Variants in RDH11 observed in about 807,000 individuals in gnomAD.
RDH11 encodes the protein HCV core-binding protein HCBP12.
In RDH11, 19 loss-of-function variants were observed where a neutral mutation model predicts 33.4. The ratio of observed to expected loss-of-function variants is 0.57; its 90% confidence interval spans 0.40 to 0.83. The LOEUF (loss-of-function observed/expected upper bound fraction) is 0.83. RDH11 is among the 40% of genes least tolerant of loss of function. The pLI is 0.00. For missense variants in RDH11, 353 were observed against 389.0 expected (o/e 0.91, Z 0.78); for synonymous variants, 154 against 155.3 (o/e 0.99, Z 0.06).
Position 67,677,868 on chromosome 14 carries a change from T to C in RDH11, c.*453A>G, listed in dbSNP as rs74848574. On this transcript the variant is annotated 3_prime_UTR_variant, in exon 7 of 7. Coordinates refer to ENST00000381346, the MANE Select transcript of RDH11 (RefSeq NM_016026.4). ...TGATCCACCATGCCTGGGCAAGCCC[T>C]GCTCCTGAGCCAGTCTTTGTTATTC... is the stretch of plus-strand genomic sequence containing the variant. 3.2e-3 allele frequency: 499 copies of C among 154,240 alleles called. 17 individuals carry two copies. In the East Asian group the frequency reaches 0.081, roughly 25 times the overall value. 9.6% of individuals were successfully genotyped at this position (154,240 alleles called of 1,614,324 possible).
intron 6 of RDH11, among the ~76,000 whole-genome samples, chr14:67,681,987 G>A (rs1443909589): frequency 6.6e-6 from 1 of 152,120 alleles, no homozygotes; most frequent in Non-Finnish European, 1.5e-5. Flanking sequence ...TCATGGGAGT[G>A]GGTTTGTTCT....
At chr14:67,687,691 G>C (rs2037698134) in intron 5 of RDH11, among the ~76,000 whole-genome samples, 1 of 151,414 alleles carries the variant, frequency 6.6e-6, no homozygotes, top group African/African-American at 2.4e-5. Context: ...GGCTGGTCTT[G>C]AACTCCTGAC....
At chr14:67,686,442 C>T (rs1017436256) in intron 5 of RDH11, among the ~76,000 whole-genome samples, 4 of 151,888 alleles carry the variant, frequency 2.6e-5, no homozygotes, top group African/African-American at 4.8e-5. Context: ...AGTTATAGAC[C>T]AGCCTGGGCA....
At chr14:67,690,473 G>GGAGTCGTGGT in intron 4 of RDH11, 52 bp from the exon 5 acceptor site, 1 of 1,532,732 alleles carries the variant, frequency 6.5e-7, no homozygotes, top group African/African-American at 1.4e-5. Flanking sequence ...AGGAATGACA[G>GGAGTCGTGGT]GAGTCGTGGT....
At chr14:67,692,769 G>T in intron 2 of RDH11, 165 bp downstream of exon 2, 2 of 866,638 alleles carry the variant, frequency 2.3e-6, no homozygotes, top group South Asian at 1.8e-5. Flanking sequence ...TTCATTAAGG[G>T]TCCATTATAT....
At chr14:67,678,541 C>T (rs1297990204) in intron 6 of RDH11, 118 bp from the exon 7 acceptor site, 10 of 643,176 alleles carry the variant, frequency 1.6e-5, no homozygotes, top group Non-Finnish European at 2.8e-5. Context: ...ATGTACTTCA[C>T]AGGGCCAGTG....
At chr14:67,690,733 C>T (rs2037739118) in intron 4 of RDH11, 1 of 401,294 alleles carries the variant, frequency 2.5e-6, no homozygotes, top group Non-Finnish European at 4.6e-6. Context: ...CCGGTAATCT[C>T]AGCACTTAAA....
chr14:67,677,353 T>G lies in RDH11; in HGVS notation c.*968A>C, dbSNP rs1442355618. 8.7e-5 allele frequency: 13 copies of G among 149,660 alleles called. No individual in the cohort carries two copies. Among genetic ancestry groups the G allele is most frequent in the Non-Finnish European group, 1.8e-4 (12 of 67,758 alleles). The allele number at this position is 149,660 out of a possible 1,614,324, so 9.3% of individuals were successfully genotyped here. A position where few individuals can be genotyped will look rare whatever the true frequency, so the allele number is the denominator to read the frequency against. ...TGAAGAATTGTTTTTTTTGTTTGTT[T>G]GTTTTTAGGATTTTTTTTTTTTTTT... is the stretch of plus-strand genomic sequence containing the variant. On this transcript the variant is annotated 3_prime_UTR_variant, in exon 7 of 7. Transcript: ENST00000381346.
intron 6 of RDH11, among the ~76,000 whole-genome samples, chr14:67,684,208 ATCTG>A: frequency 6.6e-6 from 1 of 152,286 alleles, no homozygotes; most frequent in South Asian, 2.1e-4. Flanking sequence ...GCCTCTCATA[ATCTG>A]TCTGCCTTTC....
chr14:67,680,755 A>C (rs1402409387), intron 6 of RDH11, among the ~76,000 whole-genome samples: 1 of 152,230 alleles, frequency 6.6e-6, no homozygotes, highest in Non-Finnish European at 1.5e-5. Flanking sequence ...CGCCGCGCCC[A>C]GCCAAGTAAG....
intron 6 of RDH11, 139 bp downstream of exon 6, chr14:67,684,876 C>A (rs1423678193): frequency 6.9e-6 from 4 of 577,160 alleles, no homozygotes; most frequent in Non-Finnish European, 1.2e-5. Flanking sequence ...AATTCCCCTA[C>A]TAAAAGGTAA....
chr14:67,688,164 T>C (rs1298510972), intron 5 of RDH11, among the ~76,000 whole-genome samples: 1 of 152,178 alleles, frequency 6.6e-6, no homozygotes, highest in Non-Finnish European at 1.5e-5. Context: ...CAGGAAAGTC[T>C]TCCCTGAACC....
chr14:67,695,552 A>C, intron 1 of RDH11, 78 bp downstream of exon 1: 4 of 1,440,320 alleles, frequency 2.8e-6, no homozygotes, highest in East Asian at 2.4e-5. Context: ...TTTCCAAGAA[A>C]GCTTTGGTGG....
At chr14:67,695,515 G>C (rs1004808686) in intron 1 of RDH11, 115 bp downstream of exon 1, 1 of 1,019,148 alleles carries the variant, frequency 9.8e-7, no homozygotes, top group Non-Finnish European at 1.4e-6. Context: ...TCTGGGCTCC[G>C]CCATCTTGGA....
Position 67,685,193 on chromosome 14 carries a change from T to C in RDH11, c.676A>G (p.Thr226Ala), listed in dbSNP as rs1880845846. The change falls in exon 6 of 7, where the codon ACG becomes GCG. Residue 226 changes from threonine (T) to alanine (A), a missense_variant. Transcript: ENST00000381346. ...GTGCCAGGGTGTACAGAATACGTCG[T>C]AACGCCAGAGCCTGGTTGGGGGTGG... Reference protein sequence around the residue: ...LARRLKGSGVTTYSVHPGTVQ... With the variant: ...LARRLKGSGVATYSVHPGTVQ... 1 of 1,612,182 alleles carries C rather than the reference T, an allele frequency of 6.2e-7. No individual in the cohort carries two copies. The highest frequency in any genetic ancestry group is 8.5e-7 in the Non-Finnish European group (1 of 1,179,120).
Position 67,678,027 on chromosome 14 carries a change from G to A in RDH11, c.*294C>T, listed in dbSNP as rs1482683024. On this transcript the variant is annotated 3_prime_UTR_variant, in exon 7 of 7. Transcript: ENST00000381346. ...GCTATAGCTTAGATTCTCCTAGGTAGTAGTTTCTTTCAGAAGGAAAATGAG... is the reference window on the plus strand; with the variant it reads ...GCTATAGCTTAGATTCTCCTAGGTAATAGTTTCTTTCAGAAGGAAAATGAG... 2 of 234,146 alleles carry A rather than the reference G, an allele frequency of 8.5e-6. No individual in the cohort carries two copies. Among genetic ancestry groups the A allele is most frequent in the East Asian group, 2.1e-4 (2 of 9,562 alleles). 14.5% of individuals were successfully genotyped at this position (234,146 alleles called of 1,614,324 possible).
intron 6 of RDH11, among the ~76,000 whole-genome samples, chr14:67,680,885 T>A (rs2037607288): frequency 6.6e-6 from 1 of 152,256 alleles, no homozygotes; most frequent in Non-Finnish European, 1.5e-5. Flanking sequence ...TACAATGCTA[T>A]AGTAATCAAG....
In RDH11 at chr14:67,685,078, G is replaced by A. The variant is rs2037660061; in HGVS notation, c.791C>T (p.Ala264Val). Reference sequence around the variant, plus strand: ...TAAGGCACAGTGCAGGCTGGTCTGGGCTCCCTGCTGAGGAGTCTTGATGAA... The same window carrying A: ...TAAGGCACAGTGCAGGCTGGTCTGGACTCCCTGCTGAGGAGTCTTGATGAA... ...SFFIKTPQQGAQTSLHCALTE... is the reference protein window; with the variant it reads ...SFFIKTPQQGVQTSLHCALTE... Residue 264 changes from alanine (A) to valine (V), a missense_variant, in exon 6 of 7, where the codon GCC becomes GTC. By Grantham distance (64) the Ala-to-Val change is moderately conservative. Transcript: ENST00000381346. The A allele has an allele frequency of 6.2e-7, 1 of 1,613,934 alleles. No individual in the cohort carries two copies. The highest frequency in any genetic ancestry group is 1.3e-5 in the African/African-American group (1 of 74,882).
Position 67,678,174 on chromosome 14 carries a change from G to GT in RDH11, c.*146dup. 2 of 599,502 alleles carry GT rather than the reference G, an allele frequency of 3.3e-6. 1 individual carries two copies. Among genetic ancestry groups the GT allele is most frequent in the Admixed American group, 5.7e-5 (2 of 34,952 alleles). The allele number at this position is 599,502 out of a possible 1,614,324, so 37.1% of individuals were successfully genotyped here. A position where few individuals can be genotyped will look rare whatever the true frequency, so the allele number is the denominator to read the frequency against. On this transcript the variant is annotated 3_prime_UTR_variant, in exon 7 of 7. Transcript: ENST00000381346. ...TTAGACGAATCTGGCAGTACACTGA[G>GT]TTTTAACTGGACACCAAGCAGGCAA...
Sources: gnomAD v4.1 joint callset for allele counts (sites outside exome capture counted in the v4.1 genomes callset) on GRCh38, gnomAD v4.1.1 for gene constraint, MANE v1.5 for transcripts, NCBI Gene and HGNC (gene_info 2026-07-23, HGNC 2026-07-21) for gene names.